Variants in LRRC4C observed in about 807,000 individuals in gnomAD.
The protein encoded by LRRC4C is leucine rich repeat containing 4C.
LRRC4C carries 5 observed loss-of-function variants against 33.6 expected under a neutral mutation model. That is an observed-to-expected ratio of 0.15 (90% confidence interval 0.08 to 0.31). The LOEUF is 0.31. Among genes scored for constraint, LRRC4C ranks in the 10% least tolerant of loss-of-function variants. The pLI is 1.00. For synonymous variants in LRRC4C, 329 were observed against 302.0 expected (o/e 1.09, Z -0.93); for missense variants, 560 against 796.7 (o/e 0.70, Z 3.58).
intron 1 of LRRC4C, among the ~76,000 whole-genome samples, chr11:41,099,344 A>G (rs1232909165): frequency 1.3e-5 from 2 of 151,812 alleles, no homozygotes; most frequent in Admixed American, 1.3e-4. Context: ...CTACGAGGCC[A>G]GCATCATCCT....
At chr11:40,909,748 G>C (rs190412128) in intron 2 of LRRC4C, among the ~76,000 whole-genome samples, 5 of 152,084 alleles carry the variant, frequency 3.3e-5, no homozygotes, top group African/African-American at 1.2e-4. Context: ...TTTTACAAAG[G>C]GCAGTTTACT....
At chr11:41,042,435 G>C (rs1031775438) in intron 1 of LRRC4C, among the ~76,000 whole-genome samples, 1 of 152,238 alleles carries the variant, frequency 6.6e-6, no homozygotes. Flanking sequence ...ATGTTAAGTT[G>C]CTTAACTTAA....
chr11:40,194,234 C>A (rs1239228645), intron 5 of LRRC4C, among the ~76,000 whole-genome samples: 1 of 152,128 alleles, frequency 6.6e-6, no homozygotes, highest in African/African-American at 2.4e-5. Flanking sequence ...CAAAGGGAAG[C>A]CCATCAGACT....
chr11:40,522,301 A>AT (rs1300456206), intron 3 of LRRC4C, among the ~76,000 whole-genome samples: 1 of 152,256 alleles, frequency 6.6e-6, no homozygotes, highest in Non-Finnish European at 1.5e-5. Context: ...AAGTGCTGGA[A>AT]TTATAGGCGT....
chr11:40,641,315 T>G (rs2136088799), intron 3 of LRRC4C, among the ~76,000 whole-genome samples: 1 of 152,310 alleles, frequency 6.6e-6, no homozygotes, highest in East Asian at 1.9e-4. Flanking sequence ...ATATTTGACC[T>G]ATTTTAATGT....
At chr11:41,338,920 T>G (rs1951543885) in intron 1 of LRRC4C, among the ~76,000 whole-genome samples, 1 of 151,692 alleles carries the variant, frequency 6.6e-6, no homozygotes, top group Non-Finnish European at 1.5e-5. Flanking sequence ...CATGGAAATG[T>G]CCCCTCCAGA....
chr11:40,147,617 CT>C (rs1315197028), intron 5 of LRRC4C, among the ~76,000 whole-genome samples: 1 of 151,560 alleles, frequency 6.6e-6, no homozygotes, highest in Admixed American at 6.6e-5. Flanking sequence ...ATGGGGCTTA[CT>C]TTTTGTAGGT....
chr11:40,978,793 T>G (rs763145322), intron 1 of LRRC4C, among the ~76,000 whole-genome samples: 1 of 151,942 alleles, frequency 6.6e-6, no homozygotes, highest in Admixed American at 6.6e-5. Flanking sequence ...GGCTATTTTT[T>G]TTTTCTTTTT....
chr11:40,814,030 C>T (rs2135408915), intron 2 of LRRC4C, among the ~76,000 whole-genome samples: 1 of 152,264 alleles, frequency 6.6e-6, no homozygotes, highest in South Asian at 2.1e-4. Context: ...GCGTCTTTTC[C>T]AGGTGCACAG....
At chr11:41,404,476 G>GTGTGTCTT (rs1954143890) in intron 1 of LRRC4C, among the ~76,000 whole-genome samples, 2 of 105,980 alleles carry the variant, frequency 1.9e-5, no homozygotes, top group Non-Finnish European at 3.9e-5. Flanking sequence ...CTATGTGTGT[G>GTGTGTCTT]TGTGTCTGTG....
chr11:40,370,335 C>T (rs570576136), intron 3 of LRRC4C, among the ~76,000 whole-genome samples: 83 of 152,256 alleles, frequency 5.5e-4, no homozygotes, highest in African/African-American at 1.0e-3. Context: ...CTCGCTGAAA[C>T]GACTGCTGCA....
At chr11:40,871,073 C>A (rs2135938311) in intron 2 of LRRC4C, among the ~76,000 whole-genome samples, 1 of 152,208 alleles carries the variant, frequency 6.6e-6, no homozygotes, top group East Asian at 1.9e-4. Context: ...GTAGTGCTCC[C>A]AGGCTTATTA....
chr11:41,294,751 C>T (rs1456606304), intron 1 of LRRC4C, among the ~76,000 whole-genome samples: 1 of 151,994 alleles, frequency 6.6e-6, no homozygotes. Context: ...ATAATGTATC[C>T]CAATAAAACT....
intron 2 of LRRC4C, among the ~76,000 whole-genome samples, chr11:40,852,583 A>C (rs1333449213): frequency 6.6e-6 from 1 of 152,164 alleles, no homozygotes; most frequent in Admixed American, 6.6e-5. Flanking sequence ...TAACATTTTA[A>C]CATTTATATC....
chr11:40,938,664 A>G (rs1958012910), intron 1 of LRRC4C, among the ~76,000 whole-genome samples: 1 of 152,184 alleles, frequency 6.6e-6, no homozygotes. Flanking sequence ...ACTAAGGCAC[A>G]AGGTAGTGAA....
intron 3 of LRRC4C, among the ~76,000 whole-genome samples, chr11:40,606,568 A>G (rs72890705): frequency 0.011 from 1,648 of 151,986 alleles, 14 homozygotes; most frequent in Non-Finnish European, 0.016. Context: ...AAATGACCCT[A>G]AAAAAAAGAG....
chr11:41,455,758 C>T (rs1445227375), intron 1 of LRRC4C, among the ~76,000 whole-genome samples: 1 of 152,118 alleles, frequency 6.6e-6, no homozygotes, highest in Admixed American at 6.6e-5. Flanking sequence ...CACAACAACA[C>T]TATGAGTTAA....
chr11:40,680,924 C>T (rs1944653494), intron 2 of LRRC4C, among the ~76,000 whole-genome samples: 1 of 152,018 alleles, frequency 6.6e-6, no homozygotes, highest in African/African-American at 2.4e-5. Context: ...TATTTTATAC[C>T]TACAGCACAT....
intron 5 of LRRC4C, among the ~76,000 whole-genome samples, chr11:40,172,171 GAC>G (rs2135440185): frequency 6.6e-6 from 1 of 152,286 alleles, no homozygotes; most frequent in Non-Finnish European, 1.5e-5. Flanking sequence ...GTCCTCACCA[GAC>G]ACAACTTGAT....
Sources: allele counts gnomAD v4.1 joint callset (sites outside exome capture counted in the v4.1 genomes callset), GRCh38; gene constraint gnomAD v4.1.1; transcripts MANE v1.5; gene names NCBI Gene and HGNC (gene_info 2026-07-23, HGNC 2026-07-21).